Variants in MITF observed in about 807,000 individuals in gnomAD.
MITF encodes the protein microphthalmia-associated transcription factor.
Under a neutral mutation model 60.5 loss-of-function variants are expected in MITF, and 17 were observed. That is an observed-to-expected ratio of 0.28 (90% CI 0.19 to 0.42). The LOEUF (loss-of-function observed/expected upper bound fraction) is 0.42, where lower values mean the gene tolerates loss of function less well. Among genes scored for constraint, MITF ranks in the 10% least tolerant of loss-of-function variants. The pLI is 1.00. For missense variants in MITF, 622 were observed against 683.5 expected, an observed-to-expected ratio of 0.91 and a Z score of 1.00; for synonymous variants, 260 against 248.5, an observed-to-expected ratio of 1.05 and a Z score of -0.43.
intron 2 of MITF, among the ~76,000 whole-genome samples, chr3:69,899,582 A>T (rs1559706536): frequency 6.6e-6 from 1 of 152,152 alleles, no homozygotes; most frequent in Admixed American, 6.5e-5. Context: ...TTCTCATCTC[A>T]GGGGGTTATC....
At position 69,805,658 on chromosome 3, in the gene MITF, T is replaced by C. The variant is rs568118063; in HGVS notation, c.104+65957T>C. Among the ~76,000 whole-genome samples the C allele has an allele frequency of 1.1e-3, 163 of 152,158 alleles. 1 individual carries two copies. Among genetic ancestry groups the C allele is most frequent in the South Asian group, 4.2e-3 (20 of 4,810 alleles). On this transcript the variant is annotated intron_variant, in intron 1 of 9. Transcript: ENST00000352241. ...GATAAATATTTGGTGAGTGAAAAAA[T>C]GCATCTTTCTTTTTTTAAATGACGA...
At chr3:69,898,917 G>A (rs1311044623) in intron 2 of MITF, among the ~76,000 whole-genome samples, 3 of 152,170 alleles carry the variant, frequency 2.0e-5, no homozygotes, top group African/African-American at 7.2e-5. Context: ...GGATCTAATG[G>A]TGAGTGAAAA....
intron 1 of MITF, among the ~76,000 whole-genome samples, chr3:69,870,557 C>G (rs1019122673): frequency 6.6e-6 from 1 of 151,690 alleles, no homozygotes; most frequent in African/African-American, 2.4e-5. Flanking sequence ...GCCTCAGCCT[C>G]TTAAGTAGCT....
intron 2 of MITF, among the ~76,000 whole-genome samples, chr3:69,897,657 G>C (rs1381432602): frequency 6.6e-6 from 1 of 152,172 alleles, no homozygotes; most frequent in Admixed American, 6.5e-5. Context: ...CATTTATAGA[G>C]AAAGTTTGCT....
intron 1 of MITF, among the ~76,000 whole-genome samples, chr3:69,765,255 A>G (rs2062272230): frequency 6.6e-6 from 1 of 152,204 alleles, no homozygotes; most frequent in African/African-American, 2.4e-5. Context: ...GTTTTAGCGA[A>G]GATTTGTTTG....
At chr3:69,849,833 T>C (rs956959101) in intron 1 of MITF, among the ~76,000 whole-genome samples, 1 of 152,228 alleles carries the variant, frequency 6.6e-6, no homozygotes, top group African/African-American at 2.4e-5. Flanking sequence ...CATCCCTGTT[T>C]CTTTGCCTGA....
intron 3 of MITF, chr3:69,938,881 C>T: frequency 1.4e-6 from 2 of 1,447,060 alleles, no homozygotes; most frequent in Non-Finnish European, 1.8e-6. Context: ...GCCCCTATGC[C>T]CAAACCAACT....
chr3:69,763,281 T>G (rs2062237511), intron 1 of MITF, among the ~76,000 whole-genome samples: 1 of 152,216 alleles, frequency 6.6e-6, no homozygotes, highest in South Asian at 2.1e-4. Flanking sequence ...CAGATGTCCT[T>G]GCGTCCTTTC....
chr3:69,899,661 C>T (rs1412207238), intron 2 of MITF, among the ~76,000 whole-genome samples: 1 of 152,116 alleles, frequency 6.6e-6, no homozygotes, highest in Non-Finnish European at 1.5e-5. Flanking sequence ...TAACTTATGC[C>T]TGCCTTGGCA....
At chr3:69,918,757 T>C in intron 2 of MITF, among the ~76,000 whole-genome samples, 1 of 152,226 alleles carries the variant, frequency 6.6e-6, no homozygotes, top group Admixed American at 6.5e-5. Context: ...TTGAGCATTA[T>C]GCTTTGTATA....
intron 6 of MITF, among the ~76,000 whole-genome samples, chr3:69,950,882 T>C (rs2066231994): frequency 6.6e-6 from 1 of 152,116 alleles, no homozygotes. Flanking sequence ...AGAGTTGCTA[T>C]GCAAATAGAG....
chr3:69,827,111 C>T (rs1473119334), intron 1 of MITF, among the ~76,000 whole-genome samples: 1 of 152,180 alleles, frequency 6.6e-6, no homozygotes, highest in Non-Finnish European at 1.5e-5. Context: ...TGCTCTTTGA[C>T]AGCCTCTCAC....
intron 1 of MITF, among the ~76,000 whole-genome samples, chr3:69,747,325 G>A (rs971008747): frequency 1.3e-5 from 2 of 152,172 alleles, no homozygotes; most frequent in Admixed American, 6.5e-5. Context: ...CTTTTTATTC[G>A]GTTGTATGAT....
chr3:69,961,503 G>A (rs938357969), intron 9 of MITF, among the ~76,000 whole-genome samples: 1 of 149,870 alleles, frequency 6.7e-6, no homozygotes. Context: ...TCAGGAGTTC[G>A]AGACCAGTCT....
chr3:69,759,037 C>T (rs1239944537), intron 1 of MITF, among the ~76,000 whole-genome samples: 2 of 152,174 alleles, frequency 1.3e-5, no homozygotes, highest in East Asian at 1.9e-4. Context: ...GCTAAAAATA[C>T]AGTCAATTCT....
rs190629735 is a variant in MITF, at chr3:69,747,484, G to A, written c.104+7783G>A. 8.7e-4 allele frequency among the ~76,000 whole-genome samples: 132 copies of A among 152,306 alleles called. 1 individual carries two copies. In the East Asian group the frequency reaches 0.022, roughly 25 times the overall value. ...ACTCTAATTCTCTCTTCTGTAAAAC[G>A]GGACAGTTGCCATCTTGCAAGGCTT... is the stretch of plus-strand genomic sequence containing the variant. On this transcript the variant is annotated intron_variant, in intron 1 of 9. Transcript: ENST00000352241.
chr3:69,961,318 G>T (rs920316687), intron 9 of MITF, among the ~76,000 whole-genome samples: 3 of 151,526 alleles, frequency 2.0e-5, no homozygotes, highest in African/African-American at 7.3e-5. Flanking sequence ...GGAGGCAGAG[G>T]TTGCAGTGAG....
chr3:69,859,688 T>C (rs1222244133), intron 1 of MITF, among the ~76,000 whole-genome samples: 2 of 152,048 alleles, frequency 1.3e-5, no homozygotes, highest in African/African-American at 4.8e-5. Flanking sequence ...ATGAAGATGA[T>C]GGTGATGCAC....
rs1030873726 is a variant in MITF, at chr3:69,763,412, C to G, written c.104+23711C>G. The G allele has an allele frequency of 1.3e-5, 7 of 548,048 alleles. No homozygotes were observed. The African/African-American group carries it at 1.4e-4, about 11-fold the overall frequency. The allele number at this position is 548,048 out of a possible 1,614,324, so 33.9% of individuals were successfully genotyped here. A position where few individuals can be genotyped will look rare whatever the true frequency, so the allele number is the denominator to read the frequency against. ...GCCAAGTAACCTGTTGATGTAAAGT[C>G]TATTTTACCTTTTATGATTACCATC... On this transcript the variant is annotated intron_variant, in intron 1 of 9. Coordinates refer to ENST00000352241, the MANE Select transcript of MITF (RefSeq NM_001354604.2).
Sources: gnomAD v4.1 joint callset for allele counts (sites outside exome capture counted in the v4.1 genomes callset) on GRCh38, gnomAD v4.1.1 for gene constraint, MANE v1.5 for transcripts, NCBI Gene and HGNC (gene_info 2026-07-23, HGNC 2026-07-21) for gene names.